Variants in CHID1 observed in about 807,000 individuals in gnomAD.
CHID1 encodes the protein chitinase domain-containing protein 1.
Under a neutral mutation model 55.4 loss-of-function variants are expected in CHID1, and 44 were observed. That is an observed-to-expected ratio of 0.79 (90% CI 0.62 to 1.02). The LOEUF is 1.02. CHID1 is among the 50% of genes least tolerant of loss of function. The pLI is 0.00. For synonymous variants in CHID1, 216 were observed against 212.9 expected (o/e 1.01, Z -0.13); for missense variants, 491 against 515.3 (o/e 0.95, Z 0.46).
At chr11:886,811 C>T (rs1850438987) in intron 8 of CHID1, among the ~76,000 whole-genome samples, 1 of 152,238 alleles carries the variant, frequency 6.6e-6, no homozygotes, top group Non-Finnish European at 1.5e-5. Context: ...GTCCTGGCGG[C>T]AGATGCCAGG....
Position 883,930 on chromosome 11 carries a change from T to A in CHID1, c.803+138A>T, listed in dbSNP as rs116473308. ...CCCACTGGCTTCCCTCAGGTGGGTG[T>A]CCAGACTCAGCAGGTGACCTTGTGC... On this transcript the variant is annotated intron_variant, in intron 9 of 12. Coordinates refer to ENST00000323578, the MANE Select transcript of CHID1 (RefSeq NM_023947.4). The A allele has an allele frequency of 6.6e-4, 460 of 693,516 alleles. 3 individuals carry two copies. The African/African-American group carries it at 7.5e-3, about 11-fold the overall frequency. 43.0% of individuals were successfully genotyped at this position (693,516 alleles called of 1,614,324 possible).
chr11:902,064 G>C lies in CHID1; in HGVS notation c.394+134C>G, dbSNP rs1277761314. On this transcript the variant is annotated intron_variant, in intron 4 of 12. Coordinates refer to ENST00000323578, the MANE Select transcript of CHID1 (RefSeq NM_023947.4). ...ACACTCACATTCACACTTAAATCAC[G>C]CAGAGACACACACACACTCCCATAC... The C allele has an allele frequency of 1.8e-5, 17 of 933,120 alleles. No individual in the cohort carries two copies. In the South Asian group the frequency reaches 1.9e-4, roughly 10 times the overall value. The allele number at this position is 933,120 out of a possible 1,614,324, so 57.8% of individuals were successfully genotyped here.
chr11:914,832 G>A (rs1422703321), upstream of CHID1: 31 of 334,894 alleles, frequency 9.3e-5, no homozygotes, highest in Non-Finnish European at 8.2e-5. Context: ...CCTGGGTGGG[G>A]TCGCGGCGGC....
chr11:909,277 T>C (rs949994485), intron 1 of CHID1, among the ~76,000 whole-genome samples: 4 of 152,238 alleles, frequency 2.6e-5, no homozygotes, highest in African/African-American at 9.6e-5. Context: ...ACTGTGTTCC[T>C]GCATCAAACC....
At chr11:888,145 C>T (rs916364393) in intron 8 of CHID1, among the ~76,000 whole-genome samples, 1 of 152,248 alleles carries the variant, frequency 6.6e-6, no homozygotes, top group African/African-American at 2.4e-5. Flanking sequence ...ACTGACCCAA[C>T]AACTTTGCTA....
chr11:905,169 GA>G (rs1852118338), intron 1 of CHID1, among the ~76,000 whole-genome samples: 1 of 152,232 alleles, frequency 6.6e-6, no homozygotes, highest in Non-Finnish European at 1.5e-5. Flanking sequence ...TGGCAATCTA[GA>G]AAAGCATTGG....
intron 7 of CHID1, among the ~76,000 whole-genome samples, chr11:895,980 A>G (rs1452232672): frequency 6.6e-6 from 1 of 151,984 alleles, no homozygotes; most frequent in African/African-American, 2.4e-5. Context: ...CCTCCCCTGC[A>G]GTGGCCACTC....
At chr11:893,959 TA>T (rs1407248692) in intron 7 of CHID1, among the ~76,000 whole-genome samples, 1 of 151,284 alleles carries the variant, frequency 6.6e-6, no homozygotes, top group South Asian at 2.1e-4. Flanking sequence ...CCGCCTCTAC[TA>T]AAAACACAAA....
chr11:902,074 A>G, intron 4 of CHID1, 124 bp downstream of exon 4: 1 of 1,072,086 alleles, frequency 9.3e-7, no homozygotes, highest in South Asian at 1.4e-5. Context: ...GCAGAGACAC[A>G]CACACACTCC....
intron 7 of CHID1, among the ~76,000 whole-genome samples, chr11:895,802 AGCAGAAT>A (rs991675357): frequency 1.3e-5 from 2 of 152,130 alleles, no homozygotes; most frequent in African/African-American, 4.8e-5. Flanking sequence ...GCTCCCAGGC[AGCAGAAT>A]GCCCAAAGGA....
intron 1 of CHID1, among the ~76,000 whole-genome samples, 164 bp from the exon 2 acceptor site, chr11:905,023 C>T (rs1298579745): frequency 2.0e-5 from 3 of 152,188 alleles, no homozygotes; most frequent in East Asian, 1.9e-4. Flanking sequence ...CCAGCCCTGG[C>T]GGCCACAGTC....
At chr11:904,982 C>G (rs1487038401) in intron 1 of CHID1, 123 bp from the exon 2 acceptor site, 1 of 1,077,744 alleles carries the variant, frequency 9.3e-7, no homozygotes, top group African/African-American at 1.6e-5. Flanking sequence ...TGGATGGACC[C>G]TTGGCCACTG....
intron 1 of CHID1, among the ~76,000 whole-genome samples, chr11:905,227 G>A (rs1377044052): frequency 6.6e-6 from 1 of 152,250 alleles, no homozygotes; most frequent in African/African-American, 2.4e-5. Context: ...CCATGGTAGG[G>A]CTTAAGTGTA....
In CHID1 at chr11:901,337, C is replaced by G. The variant is rs574623128; in HGVS notation, c.395-357G>C. Among the ~76,000 whole-genome samples the G allele has an allele frequency of 2.0e-5, 3 of 152,294 alleles. No homozygotes were observed. The South Asian group carries it at 6.2e-4, about 32-fold the overall frequency. ...TCTCCGAGCTGAGGGATGGCCAGACCCGCCAGGCCCTGACACTGGCTGACA... is the reference window on the plus strand; with the variant it reads ...TCTCCGAGCTGAGGGATGGCCAGACGCGCCAGGCCCTGACACTGGCTGACA... On this transcript the variant is annotated intron_variant, in intron 4 of 12. Transcript: ENST00000323578.
intron 10 of CHID1, among the ~76,000 whole-genome samples, chr11:878,042 G>C (rs376754801): frequency 3.3e-5 from 5 of 152,232 alleles, no homozygotes; most frequent in Non-Finnish European, 7.3e-5. Flanking sequence ...CACCACCTCC[G>C]GACTCTTCGG....
intron 10 of CHID1, among the ~76,000 whole-genome samples, chr11:878,141 C>A (rs760941882): frequency 1.3e-5 from 2 of 152,226 alleles, no homozygotes; most frequent in Non-Finnish European, 2.9e-5. Context: ...TGTCTGGGTG[C>A]AGAGGCTCAC....
intron 4 of CHID1, 42 bp from the exon 5 acceptor site, chr11:901,022 C>T (rs1225638471): frequency 6.4e-7 from 1 of 1,558,518 alleles, no homozygotes; most frequent in Non-Finnish European, 8.7e-7. Flanking sequence ...GCACGTGCGC[C>T]CAACTGGAAG....
chr11:884,602 C>T (rs1285752100), intron 8 of CHID1, among the ~76,000 whole-genome samples: 1 of 152,196 alleles, frequency 6.6e-6, no homozygotes, highest in East Asian at 1.9e-4. Context: ...AGAAGCAGCT[C>T]CTGGGATGCA....
intron 10 of CHID1, among the ~76,000 whole-genome samples, chr11:878,284 C>A (rs999318068): frequency 6.6e-6 from 1 of 152,158 alleles, no homozygotes; most frequent in Non-Finnish European, 1.5e-5. Flanking sequence ...TGTGGTGGCA[C>A]GTGCCTGTAG....
Sources: allele counts gnomAD v4.1 joint callset (sites outside exome capture counted in the v4.1 genomes callset), GRCh38; gene constraint gnomAD v4.1.1; transcripts MANE v1.5; gene names NCBI Gene and HGNC (gene_info 2026-07-23, HGNC 2026-07-21).